Variants in KIAA1328 observed in about 807,000 individuals in gnomAD.
The protein encoded by KIAA1328 is KIAA1328.
In KIAA1328, 52 loss-of-function variants were observed where a neutral mutation model predicts 68.1. The observed-to-expected ratio is 0.76, with a 90% CI of 0.61 to 0.96. The LOEUF is 0.96. KIAA1328 is among the 40% of genes least tolerant of loss of function. The pLI is 0.00. For missense variants in KIAA1328, 641 were observed against 677.6 expected, an observed-to-expected ratio of 0.95 and a Z score of 0.60; for synonymous variants, 232 against 239.4, an observed-to-expected ratio of 0.97 and a Z score of 0.28.
At chr18:37,138,192 C>T (rs1265964511) in intron 7 of KIAA1328, among the ~76,000 whole-genome samples, 4 of 152,112 alleles carry the variant, frequency 2.6e-5, no homozygotes, top group Admixed American at 6.5e-5. Context: ...TATATTAATT[C>T]GTTTAATCCT....
chr18:36,979,999 T>G (rs2052620663), intron 6 of KIAA1328, among the ~76,000 whole-genome samples: 3 of 152,068 alleles, frequency 2.0e-5, no homozygotes, highest in Admixed American at 2.0e-4. Flanking sequence ...TAAAAAGAAC[T>G]TGAAGGAGTG....
chr18:36,887,569 A>G (rs2048542274), intron 5 of KIAA1328, among the ~76,000 whole-genome samples: 1 of 152,148 alleles, frequency 6.6e-6, no homozygotes, highest in African/African-American at 2.4e-5. Context: ...TTAAAAACAT[A>G]AAAACTTTAT....
chr18:36,997,941 C>T (rs1348022996), intron 6 of KIAA1328, among the ~76,000 whole-genome samples: 1 of 152,116 alleles, frequency 6.6e-6, no homozygotes, highest in Non-Finnish European at 1.5e-5. Flanking sequence ...GATGTGCCTT[C>T]CCCACCCACT....
chr18:37,049,159 C>T (rs368083654), intron 6 of KIAA1328, among the ~76,000 whole-genome samples: 8 of 152,256 alleles, frequency 5.3e-5, no homozygotes, highest in African/African-American at 1.9e-4. Context: ...TAAATAAATA[C>T]TTAAACATCA....
chr18:37,209,698 A>G (rs2060280020), intron 9 of KIAA1328, among the ~76,000 whole-genome samples: 1 of 152,124 alleles, frequency 6.6e-6, no homozygotes, highest in South Asian at 2.1e-4. Context: ...AGAATTGAGA[A>G]TAACAGCAGG....
At chr18:37,056,254 A>G (rs1481137009) in intron 6 of KIAA1328, among the ~76,000 whole-genome samples, 1 of 152,244 alleles carries the variant, frequency 6.6e-6, no homozygotes, top group Non-Finnish European at 1.5e-5. Flanking sequence ...ATACAAGATC[A>G]TATACATATT....
At chr18:37,086,053 A>G (rs1312939079) in intron 7 of KIAA1328, among the ~76,000 whole-genome samples, 1 of 152,148 alleles carries the variant, frequency 6.6e-6, no homozygotes, top group Non-Finnish European at 1.5e-5. Context: ...TGTAGAATCC[A>G]AAAAGGTTGA....
chr18:37,027,138 A>G (rs1316356470), intron 6 of KIAA1328, among the ~76,000 whole-genome samples: 1 of 152,228 alleles, frequency 6.6e-6, no homozygotes, highest in Non-Finnish European at 1.5e-5. Flanking sequence ...AGAGAATAAA[A>G]TACCTAGGAA....
intron 4 of KIAA1328, among the ~76,000 whole-genome samples, chr18:36,851,245 A>G (rs1158468487): frequency 6.6e-6 from 1 of 152,172 alleles, no homozygotes; most frequent in Non-Finnish European, 1.5e-5. Context: ...ATCTGTATTC[A>G]TAAAGGATAT....
chr18:36,963,833 G>A (rs572655997), intron 6 of KIAA1328, among the ~76,000 whole-genome samples: 7 of 152,192 alleles, frequency 4.6e-5, no homozygotes, highest in Admixed American at 1.3e-4. Context: ...TTGAAAACAG[G>A]CATCTTGTTG....
intron 7 of KIAA1328, among the ~76,000 whole-genome samples, chr18:37,154,106 T>C (rs1027633297): frequency 2.6e-5 from 4 of 152,122 alleles, no homozygotes; most frequent in African/African-American, 9.7e-5. Context: ...CTCTTCACAA[T>C]AACTCAGTAA....
intron 7 of KIAA1328, among the ~76,000 whole-genome samples, chr18:37,096,994 A>C (rs2151851939): frequency 6.6e-6 from 1 of 152,178 alleles, no homozygotes; most frequent in African/African-American, 2.4e-5. Context: ...AGATGAGTAG[A>C]TTGCAAAAAT....
chr18:36,982,163 T>C (rs945493553), intron 6 of KIAA1328, among the ~76,000 whole-genome samples: 3 of 144,554 alleles, frequency 2.1e-5, no homozygotes, highest in Non-Finnish European at 4.5e-5. Flanking sequence ...ATAATATATA[T>C]ATATAATATA....
rs2057355072 is a variant in KIAA1328, at chr18:37,094,651, A to G, written c.1232+27106A>G. Among the ~76,000 whole-genome samples the G allele has an allele frequency of 2.0e-5, 3 of 152,216 alleles. No homozygotes were observed. In the South Asian group the frequency reaches 6.2e-4, roughly 31 times the overall value. On this transcript the variant is annotated intron_variant, in intron 7 of 9. Transcript: ENST00000280020. ...AGGCACCAAGTTGTAATGATAACAA[A>G]AAAGAAAGAGAAGAACAAATGATAT...
chr18:37,133,766 G>A (rs566513513), intron 7 of KIAA1328, among the ~76,000 whole-genome samples: 7 of 151,682 alleles, frequency 4.6e-5, no homozygotes, highest in East Asian at 2.0e-4. Context: ...CCTCGTGATC[G>A]GCCCACCTCA....
chr18:37,069,214 T>C (rs137974423), intron 7 of KIAA1328, among the ~76,000 whole-genome samples: 1 of 152,248 alleles, frequency 6.6e-6, no homozygotes, highest in East Asian at 1.9e-4. Flanking sequence ...TTTTAAAATG[T>C]TACTGAATTC....
At chr18:36,989,217 T>C (rs945639327) in intron 6 of KIAA1328, among the ~76,000 whole-genome samples, 1 of 152,218 alleles carries the variant, frequency 6.6e-6, no homozygotes, top group African/African-American at 2.4e-5. Context: ...TTCACCAAAA[T>C]TGGGTGCTTT....
intron 5 of KIAA1328, among the ~76,000 whole-genome samples, chr18:36,940,905 A>G (rs1170343480): frequency 6.6e-6 from 1 of 151,992 alleles, no homozygotes; most frequent in East Asian, 1.9e-4. Flanking sequence ...CGATCTCTTG[A>G]CCTTGTGATC....
At chr18:37,220,216 C>T (rs1331256964) in intron 9 of KIAA1328, among the ~76,000 whole-genome samples, 2 of 152,108 alleles carry the variant, frequency 1.3e-5, no homozygotes, top group Non-Finnish European at 2.9e-5. Context: ...ATACAAATCT[C>T]TATGATGTCA....
Sources: allele counts gnomAD v4.1 joint callset (sites outside exome capture counted in the v4.1 genomes callset), GRCh38; gene constraint gnomAD v4.1.1; transcripts MANE v1.5; gene names NCBI Gene and HGNC (gene_info 2026-07-23, HGNC 2026-07-21).